Variants in TRPM1 observed in about 807,000 individuals in gnomAD.
The protein encoded by TRPM1 is TRPM1-203 APA Isoform, Intron 10.
In TRPM1, 113 loss-of-function variants were observed where a neutral mutation model predicts 149.4. The observed-to-expected ratio is 0.76, with a 90% CI of 0.65 to 0.88. The LOEUF (loss-of-function observed/expected upper bound fraction) is 0.88, where lower values mean the gene tolerates loss of function less well. TRPM1 is among the 40% of genes least tolerant of loss of function. The probability of loss-of-function intolerance (pLI) is 0.00; values close to 1 mark genes in which losing one functional copy is unlikely to be tolerated. For synonymous variants in TRPM1, 741 were observed against 759.5 expected (o/e 0.98, Z 0.40); for missense variants, 1,976 against 2,038.7 (o/e 0.97, Z 0.59).
intron 9 of TRPM1, among the ~76,000 whole-genome samples, chr15:31,062,296 C>T (rs1332373737): frequency 1.3e-5 from 2 of 152,132 alleles, no homozygotes; most frequent in African/African-American, 4.8e-5. Flanking sequence ...GCCCTTTTCC[C>T]CAAGACTATC....
Position 31,076,902 on chromosome 15 carries a change from T to C in TRPM1, c.83+3A>G. On this transcript the variant is annotated splice_donor_region_variant and intron_variant, in intron 3 of 27. Transcript: ENST00000256552. Reference sequence around the variant, plus strand: ...AATGTCTTAATCGTGGATTTCAATTTACCTGTTAGAGTCTTTCATGCTAGG... The same window carrying C: ...AATGTCTTAATCGTGGATTTCAATTCACCTGTTAGAGTCTTTCATGCTAGG... 1.3e-6 allele frequency: 2 copies of C among 1,592,784 alleles called. No individual in the cohort carries two copies. The highest frequency in any genetic ancestry group is 1.7e-6 in the Non-Finnish European group (2 of 1,160,776).
intron 2 of TRPM1, among the ~76,000 whole-genome samples, chr15:31,077,613 G>A (rs539723016): frequency 1.3e-5 from 2 of 152,262 alleles, no homozygotes; most frequent in South Asian, 4.1e-4. Context: ...CAGGCTGTGG[G>A]GCAGGGGCCT....
In TRPM1 at chr15:31,067,107, G is replaced by C. The variant is rs753904570; in HGVS notation, c.574C>G (p.Pro192Ala). ...TCCTTATTCTCCACGATGCCCCATGGAGCAATTCCTATAGCACAAACCCGG... is the reference window on the plus strand; with the variant it reads ...TCCTTATTCTCCACGATGCCCCATGCAGCAATTCCTATAGCACAAACCCGG... Reference protein sequence around the residue: ...RGRVCAIGIAPWGIVENKEDL... With the variant: ...RGRVCAIGIAAWGIVENKEDL... Residue 192 changes from proline (P) to alanine (A), a missense_variant, in exon 6 of 28, where the codon CCA becomes GCA. By Grantham distance (27) the Pro-to-Ala change is conservative. Coordinates refer to ENST00000256552, the MANE Select transcript of TRPM1 (RefSeq NM_001252024.2). 1 of 1,614,002 alleles carries C rather than the reference G, an allele frequency of 6.2e-7. No individual in the cohort carries two copies. Among genetic ancestry groups the C allele is most frequent in the South Asian group, 1.1e-5 (1 of 91,052 alleles).
At chr15:31,114,386 A>G (rs1334411544) in intron 1 of TRPM1, among the ~76,000 whole-genome samples, 1 of 152,166 alleles carries the variant, frequency 6.6e-6, no homozygotes. Flanking sequence ...TCCATGGTGT[A>G]TATGTACCAC....
At chr15:31,136,350 C>T (rs2036088257) in intron 1 of TRPM1, among the ~76,000 whole-genome samples, 1 of 152,210 alleles carries the variant, frequency 6.6e-6, no homozygotes, top group Non-Finnish European at 1.5e-5. Flanking sequence ...CATGGGGACT[C>T]TTGTCTTCCA....
chr15:31,036,868 C>T (rs572393347), intron 20 of TRPM1, among the ~76,000 whole-genome samples: 5 of 152,352 alleles, frequency 3.3e-5, no homozygotes, highest in Non-Finnish European at 7.3e-5. Flanking sequence ...TTTGCTCTGC[C>T]CCCAGCCCAC....
At chr15:31,088,465 A>T (rs1054073814) in intron 1 of TRPM1, among the ~76,000 whole-genome samples, 11 of 152,028 alleles carry the variant, frequency 7.2e-5, no homozygotes, top group East Asian at 1.9e-4. Flanking sequence ...ATGTGGCTTC[A>T]CTCCTGAAGT....
At chr15:31,020,394 T>C (rs1023312220) in intron 27 of TRPM1, among the ~76,000 whole-genome samples, 2 of 152,264 alleles carry the variant, frequency 1.3e-5, no homozygotes, top group Admixed American at 6.5e-5. Context: ...TTTGGGCGCA[T>C]GGCCTCCTTC....
intron 1 of TRPM1, among the ~76,000 whole-genome samples, chr15:31,089,627 A>C (rs1176505947): frequency 6.6e-6 from 1 of 152,172 alleles, no homozygotes; most frequent in East Asian, 1.9e-4. Flanking sequence ...AGAGTTTGTA[A>C]TTGATGAGAC....
At chr15:31,072,887 T>C (rs2034596908) in intron 3 of TRPM1, among the ~76,000 whole-genome samples, 1 of 152,176 alleles carries the variant, frequency 6.6e-6, no homozygotes, top group Non-Finnish European at 1.5e-5. Flanking sequence ...TTTTTAATTA[T>C]TGGATCTCTT....
In TRPM1 at chr15:31,035,603, G is replaced by A. The variant is rs1567007182; in HGVS notation, c.2643C>T (p.Leu881=). The part of the protein sequence containing the change: ...ILVRMDGWPS[L]QEWIVISYIV... The stretch of plus-strand genomic sequence containing the variant: ...TGTAGGAGATGACGATCCACTCCTG[G>A]AGGGACGGCCAGCCATCCATCCGCA... Residue 881 remains leucine, a synonymous_variant, in exon 21 of 28, where the codon CTC becomes CTT. Transcript: ENST00000256552. The A allele has an allele frequency of 6.2e-7, 1 of 1,614,206 alleles. No individual in the cohort carries two copies. The highest frequency in any genetic ancestry group is 1.3e-5 in the African/African-American group (1 of 75,056).
chr15:31,061,426 T>A lies in TRPM1; in HGVS notation c.1162+16A>T. On this transcript the variant is annotated intron_variant, in intron 10 of 27. Transcript: ENST00000256552. ...AACATCAGAGGGACAGGAGTCACCA[T>A]TTCCTGAGAGCTCACCTTTCAGCAG... 1 of 1,613,658 alleles carries A rather than the reference T, an allele frequency of 6.2e-7. No homozygotes were observed. Among genetic ancestry groups the A allele is most frequent in the Non-Finnish European group, 8.5e-7 (1 of 1,179,628 alleles).
intron 1 of TRPM1, among the ~76,000 whole-genome samples, chr15:31,128,833 A>G (rs538976868): frequency 7.9e-5 from 12 of 152,194 alleles, no homozygotes; most frequent in Non-Finnish European, 1.8e-4. Context: ...AATTCTTTAC[A>G]ATTTTTGAAC....
intron 1 of TRPM1, among the ~76,000 whole-genome samples, chr15:31,088,875 C>G (rs147635261): frequency 6.1e-4 from 2 of 3,288 alleles, no homozygotes; most frequent in East Asian, 0.25. Context: ...TGACATTTGG[C>G]CCCCCCGAGC....
intron 1 of TRPM1, among the ~76,000 whole-genome samples, chr15:31,110,873 T>G (rs1206935594): frequency 6.6e-6 from 1 of 151,132 alleles, no homozygotes; most frequent in Non-Finnish European, 1.5e-5. Context: ...CTTTTCTTTC[T>G]TCTTTCTTTC....
At chr15:31,112,241 G>A (rs2035700106) in intron 1 of TRPM1, among the ~76,000 whole-genome samples, 1 of 152,174 alleles carries the variant, frequency 6.6e-6, no homozygotes, top group African/African-American at 2.4e-5. Flanking sequence ...CCCTTTAGGA[G>A]GCCGAGGTGG....
intron 1 of TRPM1, among the ~76,000 whole-genome samples, chr15:31,141,125 C>T (rs2036156097): frequency 6.6e-6 from 1 of 152,030 alleles, no homozygotes; most frequent in African/African-American, 2.4e-5. Context: ...AGCCACCATA[C>T]CTGGCCTCTA....
chr15:31,057,888 G>T (rs530565993), intron 11 of TRPM1, among the ~76,000 whole-genome samples: 16 of 152,278 alleles, frequency 1.1e-4, no homozygotes, highest in African/African-American at 3.9e-4. Context: ...AAAATGTTTG[G>T]CAGCCCCTTG....
intron 1 of TRPM1, among the ~76,000 whole-genome samples, chr15:31,131,360 A>G (rs1211460112): frequency 1.3e-5 from 2 of 152,204 alleles, no homozygotes; most frequent in South Asian, 2.1e-4. Flanking sequence ...AAAGTCCTCA[A>G]CTGAAGGGAA....
Sources: allele counts gnomAD v4.1 joint callset (sites outside exome capture counted in the v4.1 genomes callset), GRCh38; gene constraint gnomAD v4.1.1; transcripts MANE v1.5; gene names NCBI Gene and HGNC (gene_info 2026-07-23, HGNC 2026-07-21).